The following PTCHD4 variants were observed in gnomAD, a reference collection of about 807,000 sequenced individuals.
The protein encoded by PTCHD4 is patched domain-containing protein 4.
In PTCHD4, 33 loss-of-function variants were observed where a neutral mutation model predicts 58.1. The observed-to-expected ratio is 0.57, with a 90% CI of 0.43 to 0.76. PTCHD4 has a LOEUF of 0.76. Among genes scored for constraint, PTCHD4 ranks in the 30% least tolerant of loss-of-function variants. PTCHD4 has a pLI of 0.00. For synonymous variants in PTCHD4, 478 were observed against 409.6 expected, an observed-to-expected ratio of 1.17 and a Z score of -2.02; for missense variants, 1,058 against 1,027.1, an observed-to-expected ratio of 1.03 and a Z score of -0.41.
chr6:47,968,056 GT>G (rs1767363186), intron 4 of PTCHD4, among the ~76,000 whole-genome samples: 1 of 152,038 alleles, frequency 6.6e-6, no homozygotes, highest in Admixed American at 6.6e-5. Context: ...CTTACCTCTC[GT>G]TTTGTTTCTT....
intron 4 of PTCHD4, among the ~76,000 whole-genome samples, chr6:47,936,507 AAGTTTT>A (rs1329459148): frequency 6.6e-6 from 1 of 152,238 alleles, no homozygotes; most frequent in Non-Finnish European, 1.5e-5. Context: ...GAAGCTGAGA[AAGTTTT>A]AGTGACTTGT....
In PTCHD4 at chr6:47,880,764, C is replaced by T. The variant is rs116397435; in HGVS notation, c.899-828G>A. Among the ~76,000 whole-genome samples, 544 of 152,266 alleles carry T rather than the reference C, an allele frequency of 3.6e-3. 1 individual carries two copies. Among genetic ancestry groups the T allele is most frequent in the Middle Eastern group, 0.014 (4 of 294 alleles). On this transcript the variant is annotated intron_variant, in intron 4 of 4. Coordinates refer to ENST00000339488, the MANE Select transcript of PTCHD4 (RefSeq NM_001384253.1). ...CAAAAGGCTTAGTCAACACATATTA[C>T]TTGAACACCCAGTGTATGCCAGACT... is the stretch of plus-strand genomic sequence containing the variant.
chr6:48,101,116 C>T (rs1368329996), intron 1 of PTCHD4, among the ~76,000 whole-genome samples: 2 of 151,080 alleles, frequency 1.3e-5, no homozygotes, highest in Admixed American at 6.6e-5. Context: ...AATAGACAAC[C>T]CAAGTTACTA....
At chr6:47,947,368 C>T (rs1356133395) in intron 4 of PTCHD4, among the ~76,000 whole-genome samples, 1 of 151,950 alleles carries the variant, frequency 6.6e-6, no homozygotes, top group African/African-American at 2.4e-5. Flanking sequence ...TAATATTTAC[C>T]AGAGAGTTTA....
chr6:48,077,221 A>C (rs1562041381), intron 1 of PTCHD4, among the ~76,000 whole-genome samples: 1 of 152,178 alleles, frequency 6.6e-6, no homozygotes, highest in Non-Finnish European at 1.5e-5. Flanking sequence ...ATTTAGCATA[A>C]TTCTTAAGGG....
chr6:48,105,801 A>G (rs1369708207), intron 1 of PTCHD4, among the ~76,000 whole-genome samples: 1 of 152,190 alleles, frequency 6.6e-6, no homozygotes, highest in Non-Finnish European at 1.5e-5. Flanking sequence ...ACAAACTACC[A>G]TCAGAGAATA....
At chr6:48,005,628 T>A (rs1253895004) in intron 4 of PTCHD4, among the ~76,000 whole-genome samples, 1 of 152,224 alleles carries the variant, frequency 6.6e-6, no homozygotes, top group African/African-American at 2.4e-5. Flanking sequence ...AGGCTCTGTA[T>A]GCAAAGCTGT....
At chr6:48,029,877 A>G (rs1197918161) in intron 3 of PTCHD4, among the ~76,000 whole-genome samples, 1 of 152,120 alleles carries the variant, frequency 6.6e-6, no homozygotes, top group Non-Finnish European at 1.5e-5. Context: ...TAAAGCTTAC[A>G]ATGTCCCTTG....
intron 3 of PTCHD4, among the ~76,000 whole-genome samples, chr6:48,032,678 A>G (rs969821798): frequency 1.1e-4 from 17 of 152,268 alleles, no homozygotes; most frequent in Non-Finnish European, 1.0e-4. Flanking sequence ...CATTAAAGCT[A>G]CAGTATTTCT....
intron 4 of PTCHD4, among the ~76,000 whole-genome samples, chr6:47,984,461 T>C (rs936735651): frequency 1.3e-5 from 2 of 152,122 alleles, no homozygotes; most frequent in Non-Finnish European, 1.5e-5. Flanking sequence ...ACCCCCATGA[T>C]TCATTTACCT....
chr6:48,052,889 A>C (rs1167234800), intron 3 of PTCHD4, among the ~76,000 whole-genome samples: 2 of 152,114 alleles, frequency 1.3e-5, no homozygotes, highest in African/African-American at 2.4e-5. Flanking sequence ...GTTTAAAAAT[A>C]ATAAAAGAGG....
chr6:48,075,658 G>C (rs1765051260), intron 1 of PTCHD4, among the ~76,000 whole-genome samples: 1 of 152,034 alleles, frequency 6.6e-6, no homozygotes, highest in Non-Finnish European at 1.5e-5. Context: ...CAAATTTTTT[G>C]GTTTCCCAGT....
At chr6:48,102,977 C>T (rs1173613787) in intron 1 of PTCHD4, among the ~76,000 whole-genome samples, 3 of 152,190 alleles carry the variant, frequency 2.0e-5, no homozygotes, top group African/African-American at 7.2e-5. Context: ...GGGTGGAGCC[C>T]ACCACAGCTC....
At chr6:48,047,926 A>G (rs1764094358) in intron 3 of PTCHD4, among the ~76,000 whole-genome samples, 1 of 151,762 alleles carries the variant, frequency 6.6e-6, no homozygotes, top group Admixed American at 6.6e-5. Context: ...TATGACTAAG[A>G]TAAGAGCATA....
intron 4 of PTCHD4, among the ~76,000 whole-genome samples, chr6:47,897,460 GTC>G (rs958132648): frequency 1.3e-5 from 2 of 152,138 alleles, no homozygotes; most frequent in African/African-American, 4.8e-5. Context: ...CTTAACATTG[GTC>G]TCTGGCATTC....
At chr6:48,035,330 G>A (rs932918938) in intron 3 of PTCHD4, among the ~76,000 whole-genome samples, 13 of 151,974 alleles carry the variant, frequency 8.6e-5, no homozygotes, top group Middle Eastern at 3.2e-3. Flanking sequence ...AGAAGATTCT[G>A]GTATTTCACT....
At chr6:47,947,722 A>T (rs576709349) in intron 4 of PTCHD4, among the ~76,000 whole-genome samples, 1 of 152,130 alleles carries the variant, frequency 6.6e-6, no homozygotes, top group Non-Finnish European at 1.5e-5. Flanking sequence ...TTAGTGTTTT[A>T]TAATTTCAAT....
At chr6:48,091,303 T>A (rs1221871789) in intron 1 of PTCHD4, among the ~76,000 whole-genome samples, 1 of 151,816 alleles carries the variant, frequency 6.6e-6, no homozygotes, top group Admixed American at 6.6e-5. Flanking sequence ...ATAATAAAAA[T>A]GAATAAAAAT....
chr6:47,947,366 A>G (rs1034655235), intron 4 of PTCHD4, among the ~76,000 whole-genome samples: 5 of 152,074 alleles, frequency 3.3e-5, no homozygotes, highest in Admixed American at 3.3e-4. Context: ...TTTAATATTT[A>G]CCAGAGAGTT....
Sources: allele counts gnomAD v4.1 joint callset (sites outside exome capture counted in the v4.1 genomes callset), GRCh38; gene constraint gnomAD v4.1.1; transcripts MANE v1.5; gene names NCBI Gene and HGNC (gene_info 2026-07-23, HGNC 2026-07-21).